ZMAT4: variants seen among roughly 807,000 people sequenced by gnomAD.
ZMAT4 encodes zinc finger matrin-type 4.
ZMAT4 carries 17 observed loss-of-function variants against 28.7 expected under a neutral mutation model. That is an observed-to-expected ratio of 0.59 (90% CI 0.41 to 0.89). The LOEUF is 0.89. ZMAT4 is among the 40% of genes least tolerant of loss of function. The pLI, the probability that ZMAT4 is intolerant of heterozygous loss-of-function variation, is 0.00. For synonymous variants in ZMAT4, 117 were observed against 109.2 expected (o/e 1.07, Z -0.44); for missense variants, 240 against 283.8 (o/e 0.85, Z 1.11).
At chr8:40,557,533 T>C (rs1803585629) in intron 6 of ZMAT4, among the ~76,000 whole-genome samples, 1 of 152,200 alleles carries the variant, frequency 6.6e-6, no homozygotes, top group Non-Finnish European at 1.5e-5. Context: ...TCTTTACTCT[T>C]CCTGTATATC....
At chr8:40,835,384 A>G (rs945545761) in intron 1 of ZMAT4, among the ~76,000 whole-genome samples, 1 of 152,158 alleles carries the variant, frequency 6.6e-6, no homozygotes, top group African/African-American at 2.4e-5. Context: ...ATTTTAAAGA[A>G]TAGGCTCCTA....
chr8:40,730,535 A>T (rs2084088382), intron 3 of ZMAT4, among the ~76,000 whole-genome samples: 1 of 152,184 alleles, frequency 6.6e-6, no homozygotes. Context: ...TTCCTCTAAA[A>T]TACTTAATTT....
intron 4 of ZMAT4, among the ~76,000 whole-genome samples, chr8:40,681,800 TAAAG>T (rs1809177236): frequency 6.6e-6 from 1 of 152,116 alleles, no homozygotes; most frequent in African/African-American, 2.4e-5. Context: ...TTTACAGGGT[TAAAG>T]AAACAAGTTA....
chr8:40,585,501 T>C (rs956969647), intron 5 of ZMAT4, among the ~76,000 whole-genome samples: 1 of 152,134 alleles, frequency 6.6e-6, no homozygotes, highest in South Asian at 2.1e-4. Context: ...AATCTCACCA[T>C]ACACCTGCAC....
chr8:40,648,586 T>A (rs7823959), intron 5 of ZMAT4, among the ~76,000 whole-genome samples: 79,594 of 82,398 alleles, frequency 0.97, 38,580 homozygotes, highest in Middle Eastern at 1. Context: ...CCACAAAGAT[T>A]CTCCTCGAGA....
intron 6 of ZMAT4, among the ~76,000 whole-genome samples, chr8:40,551,057 T>C (rs939756456): frequency 1.3e-5 from 2 of 152,198 alleles, no homozygotes; most frequent in Non-Finnish European, 2.9e-5. Flanking sequence ...TTGTTTATTA[T>C]AGTGATGTTG....
intron 3 of ZMAT4, among the ~76,000 whole-genome samples, chr8:40,758,884 CAG>C (rs753785086): frequency 3.6e-4 from 54 of 152,062 alleles, no homozygotes; most frequent in Non-Finnish European, 5.6e-4. Context: ...GAAAATGAAA[CAG>C]AGAATCAGTA....
At chr8:40,776,917 A>C (rs1200176817) in intron 2 of ZMAT4, among the ~76,000 whole-genome samples, 1 of 134,248 alleles carries the variant, frequency 7.4e-6, no homozygotes, top group Admixed American at 7.8e-5. Flanking sequence ...ATAGCCACCG[A>C]TTTCTTTCTT....
chr8:40,653,912 A>G (rs1807799583), intron 5 of ZMAT4, among the ~76,000 whole-genome samples: 1 of 152,170 alleles, frequency 6.6e-6, no homozygotes, highest in Admixed American at 6.6e-5. Flanking sequence ...CTCACTCTAT[A>G]AGTTGCTGTC....
At chr8:40,872,844 T>C (rs934448795) in intron 1 of ZMAT4, among the ~76,000 whole-genome samples, 3 of 152,172 alleles carry the variant, frequency 2.0e-5, no homozygotes, top group African/African-American at 7.2e-5. Context: ...TTAGTTTTTG[T>C]CAGCTGTTTT....
intron 1 of ZMAT4, among the ~76,000 whole-genome samples, chr8:40,833,144 C>T (rs959157472): frequency 1.3e-5 from 2 of 152,146 alleles, no homozygotes; most frequent in Non-Finnish European, 2.9e-5. Context: ...AGAGGATGGG[C>T]TGGAAGCAGG....
chr8:40,878,819 C>T (rs953597459), intron 1 of ZMAT4, among the ~76,000 whole-genome samples: 1 of 152,240 alleles, frequency 6.6e-6, no homozygotes, highest in Admixed American at 6.5e-5. Flanking sequence ...GGCCCATCGT[C>T]TCTGCTGAGT....
At chr8:40,709,881 A>G (rs1585917385) in intron 3 of ZMAT4, among the ~76,000 whole-genome samples, 1 of 151,754 alleles carries the variant, frequency 6.6e-6, no homozygotes, top group African/African-American at 2.4e-5. Context: ...TACTAAAAAT[A>G]AAAAAAATTA....
At chr8:40,818,482 G>T (rs1486388599) in intron 2 of ZMAT4, among the ~76,000 whole-genome samples, 1 of 152,160 alleles carries the variant, frequency 6.6e-6, no homozygotes, top group African/African-American at 2.4e-5. Flanking sequence ...TATTACCCTG[G>T]ACAAATGTAC....
chr8:40,672,406 ATATC>A (rs1039641543), intron 5 of ZMAT4, among the ~76,000 whole-genome samples: 1 of 152,176 alleles, frequency 6.6e-6, no homozygotes, highest in Non-Finnish European at 1.5e-5. Context: ...GCTTGAATAA[ATATC>A]TATCAGGATA....
chr8:40,748,763 T>A (rs1205268106), intron 3 of ZMAT4, among the ~76,000 whole-genome samples: 28 of 152,082 alleles, frequency 1.8e-4, no homozygotes, highest in Admixed American at 1.8e-3. Flanking sequence ...AAGAAATGCA[T>A]CTCTAAGCAG....
intron 1 of ZMAT4, among the ~76,000 whole-genome samples, chr8:40,848,095 T>C (rs1382729302): frequency 6.6e-6 from 1 of 152,316 alleles, no homozygotes; most frequent in East Asian, 1.9e-4. Context: ...CTGCTCCTTG[T>C]GTCATCCACT....
At chr8:40,803,740 G>A (rs1814956013) in intron 2 of ZMAT4, among the ~76,000 whole-genome samples, 1 of 152,148 alleles carries the variant, frequency 6.6e-6, no homozygotes. Context: ...TATAGCCAAA[G>A]GAGTGAAAAA....
chr8:40,863,927 C>A (rs572599598), intron 1 of ZMAT4, among the ~76,000 whole-genome samples: 76 of 152,252 alleles, frequency 5.0e-4, no homozygotes, highest in Non-Finnish European at 9.3e-4. Context: ...CACATTATTT[C>A]AATTAGATCA....
Sources: gnomAD v4.1 joint callset for allele counts (sites outside exome capture counted in the v4.1 genomes callset) on GRCh38, gnomAD v4.1.1 for gene constraint, MANE v1.5 for transcripts, NCBI Gene and HGNC (gene_info 2026-07-23, HGNC 2026-07-21) for gene names.